TOM1L2: variants seen among roughly 807,000 people sequenced by gnomAD.
TOM1L2 encodes TOM1-like protein 2.
A neutral mutation model predicts 67.9 loss-of-function variants in TOM1L2; 31 were observed. The ratio of observed to expected loss-of-function variants is 0.46; its 90% CI spans 0.34 to 0.62. The LOEUF is 0.62. Among genes scored for constraint, TOM1L2 ranks in the 20% least tolerant of loss-of-function variants. TOM1L2 has a pLI of 0.01. For synonymous variants in TOM1L2, 256 were observed against 254.0 expected (o/e 1.01, Z -0.07); for missense variants, 606 against 663.5 (o/e 0.91, Z 0.95).
intron 1 of TOM1L2, 39 bp from the exon 2 acceptor site, chr17:17,907,570 G>A: frequency 6.3e-7 from 1 of 1,583,568 alleles, no homozygotes; most frequent in East Asian, 2.2e-5. Context: ...CATTTCTCCT[G>A]GAATAAGTGG....
chr17:17,874,262 T>C lies in TOM1L2; in HGVS notation c.778-4789A>G, dbSNP rs561100173. ...AGCCACCACGCCCAGCCATTACTTA[T>C]TTATTTATTTATTTATTTAATATGT... On this transcript the variant is annotated intron_variant, in intron 7 of 14. Transcript: ENST00000379504. 2.8e-4 allele frequency among the ~76,000 whole-genome samples: 43 copies of C among 151,620 alleles called. No individual in the cohort carries two copies. The South Asian group carries it at 7.5e-3, about 26-fold the overall frequency.
At chr17:17,941,849 G>A (rs1288604809) in intron 1 of TOM1L2, among the ~76,000 whole-genome samples, 1 of 152,190 alleles carries the variant, frequency 6.6e-6, no homozygotes, top group Non-Finnish European at 1.5e-5. Context: ...TCTAAGCCAG[G>A]CGCAGTGGCA....
Position 17,911,086 on chromosome 17 carries a change from T to G in TOM1L2, c.53-3555A>C, listed in dbSNP as rs181867562. Among the ~76,000 whole-genome samples, 38 of 152,320 alleles carry G rather than the reference T, an allele frequency of 2.5e-4. No homozygotes were observed. The East Asian group carries it at 4.4e-3, about 18-fold the overall frequency. ...CGAGGCTCCTCCAAACAGGGCTGCCTTAGGTTTCAGAGAACATAGGAGGGT... is the reference window on the plus strand; with the variant it reads ...CGAGGCTCCTCCAAACAGGGCTGCCGTAGGTTTCAGAGAACATAGGAGGGT... On this transcript the variant is annotated intron_variant, in intron 1 of 14. Transcript: ENST00000379504.
At chr17:17,949,154 A>G (rs1598393395) in intron 1 of TOM1L2, among the ~76,000 whole-genome samples, 1 of 152,016 alleles carries the variant, frequency 6.6e-6, no homozygotes, top group Admixed American at 6.6e-5. Flanking sequence ...GGAGCCTTTT[A>G]CCCCAAATAT....
intron 1 of TOM1L2, 106 bp downstream of exon 1, chr17:17,972,156 C>T: frequency 1.4e-6 from 2 of 1,422,832 alleles, no homozygotes; most frequent in Non-Finnish European, 1.9e-6. Context: ...GGCGGAGGCC[C>T]AGCCCGCTCG....
intron 1 of TOM1L2, among the ~76,000 whole-genome samples, chr17:17,937,488 G>C (rs1383198256): frequency 1.3e-5 from 2 of 152,142 alleles, no homozygotes; most frequent in Non-Finnish European, 2.9e-5. Context: ...GCAAATGAAG[G>C]CTGTCACATA....
chr17:17,905,012 C>T (rs1257622079), intron 2 of TOM1L2, among the ~76,000 whole-genome samples: 1 of 151,916 alleles, frequency 6.6e-6, no homozygotes, highest in Non-Finnish European at 1.5e-5. Context: ...CCCTGGGGGT[C>T]AGTAAACATG....
intron 1 of TOM1L2, among the ~76,000 whole-genome samples, chr17:17,934,114 A>G (rs1018638110): frequency 1.3e-5 from 2 of 152,184 alleles, no homozygotes; most frequent in Non-Finnish European, 2.9e-5. Flanking sequence ...TTTATATTTT[A>G]TATTAAAAGT....
At chr17:17,970,957 C>G (rs2042048560) in intron 1 of TOM1L2, among the ~76,000 whole-genome samples, 1 of 152,210 alleles carries the variant, frequency 6.6e-6, no homozygotes, top group Non-Finnish European at 1.5e-5. Context: ...GCATAAGCCA[C>G]TGCCTTGGGT....
intron 1 of TOM1L2, among the ~76,000 whole-genome samples, chr17:17,939,319 C>T (rs2040633363): frequency 6.6e-6 from 1 of 152,164 alleles, no homozygotes; most frequent in African/African-American, 2.4e-5. Flanking sequence ...TGCCCAGCCA[C>T]TGCCCACAGT....
chr17:17,871,800 G>A (rs969137342), intron 7 of TOM1L2, among the ~76,000 whole-genome samples: 15 of 152,218 alleles, frequency 9.9e-5, no homozygotes, highest in African/African-American at 3.4e-4. Flanking sequence ...TGTTCATCCA[G>A]GATCTAATTT....
intron 14 of TOM1L2, 116 bp downstream of exon 14, chr17:17,848,707 G>T (rs2035787433): frequency 1.7e-6 from 2 of 1,173,726 alleles, no homozygotes; most frequent in Non-Finnish European, 2.5e-6. Context: ...ATGGCTCAGG[G>T]CCTGGCACCA....
intron 12 of TOM1L2, among the ~76,000 whole-genome samples, chr17:17,853,580 G>A (rs1208299976): frequency 2.0e-5 from 3 of 152,138 alleles, no homozygotes; most frequent in Non-Finnish European, 4.4e-5. Context: ...TGGCTCATGG[G>A]AACCCTTTTC....
In TOM1L2 at chr17:17,847,723, G is replaced by A. The variant is rs370628988; in HGVS notation, c.1436C>T (p.Ser479Leu). The change falls in exon 15 of 15, where the codon TCG becomes TTG. Residue 479 changes from serine (S) to leucine (L), a missense_variant. Coordinates refer to ENST00000379504, the MANE Select transcript of TOM1L2 (RefSeq NM_001082968.2). ...TGGGGCAGGAGCCTCCATGGGGGGC[G>A]AGGGGAGGTCGGGAACCATTTCAGC... ...KAAEMVPDLP[S>L]PPMEAPAPAS... 6.8e-6 allele frequency: 11 copies of A among 1,614,070 alleles called. No individual in the cohort carries two copies. The highest frequency in any genetic ancestry group is 1.7e-4 in the Middle Eastern group (1 of 6,060).
intron 1 of TOM1L2, among the ~76,000 whole-genome samples, chr17:17,929,697 CTTT>C (rs2040247366): frequency 6.6e-6 from 1 of 152,168 alleles, no homozygotes; most frequent in Non-Finnish European, 1.5e-5. Flanking sequence ...CAGTAGTTAA[CTTT>C]TTGGATAAGA....
intron 1 of TOM1L2, among the ~76,000 whole-genome samples, chr17:17,956,232 G>T (rs1375624490): frequency 6.6e-6 from 1 of 152,212 alleles, no homozygotes; most frequent in Non-Finnish European, 1.5e-5. Flanking sequence ...TTGACAGGGT[G>T]CTGATTGGTG....
chr17:17,848,566 C>G (rs534128046), intron 14 of TOM1L2, among the ~76,000 whole-genome samples: 18 of 152,230 alleles, frequency 1.2e-4, no homozygotes, highest in Admixed American at 2.0e-4. Context: ...CAATCTGCAC[C>G]CGCTATTCAC....
intron 13 of TOM1L2, among the ~76,000 whole-genome samples, chr17:17,850,425 G>A (rs2035895107): frequency 6.6e-6 from 1 of 151,874 alleles, no homozygotes; most frequent in Non-Finnish European, 1.5e-5. Flanking sequence ...AGGAAGGGAG[G>A]AGGGGGATGA....
At chr17:17,930,610 T>C (rs1000687246) in intron 1 of TOM1L2, among the ~76,000 whole-genome samples, 5 of 152,216 alleles carry the variant, frequency 3.3e-5, no homozygotes, top group African/African-American at 1.2e-4. Context: ...ACTGCCCTGT[T>C]CCAGCCCTTT....
Sources: allele counts gnomAD v4.1 joint callset (sites outside exome capture counted in the v4.1 genomes callset), GRCh38; gene constraint gnomAD v4.1.1; transcripts MANE v1.5; gene names NCBI Gene and HGNC (gene_info 2026-07-23, HGNC 2026-07-21).